WWC1: variants seen among roughly 807,000 people sequenced by gnomAD.
The protein encoded by WWC1 is protein KIBRA.
Under a neutral mutation model 138.4 loss-of-function variants are expected in WWC1, and 55 were observed. That is an observed-to-expected ratio of 0.40 (90% confidence interval 0.32 to 0.50). The LOEUF (loss-of-function observed/expected upper bound fraction) is 0.50, where lower values mean the gene tolerates loss of function less well. Ranked by LOEUF, WWC1 falls within the 20% of genes least tolerant of loss-of-function variation. WWC1 has a pLI of 0.72. For missense variants in WWC1, 1,226 were observed against 1,420.4 expected (o/e 0.86, Z 2.20); for synonymous variants, 524 against 564.9 (o/e 0.93, Z 1.03).
intron 6 of WWC1, 138 bp downstream of exon 6, chr5:168,406,465 C>A: frequency 1.5e-6 from 2 of 1,312,818 alleles, no homozygotes; most frequent in South Asian, 2.8e-5. Context: ...GTTTTGGTTC[C>A]ATTTCATAGA....
rs373994122 is a variant in WWC1 at position 168,385,169 on chromosome 5, A to G, written c.230-42A>G. 11 of 1,608,122 alleles carry G rather than the reference A, an allele frequency of 6.8e-6. No individual in the cohort carries two copies. The African/African-American group carries it at 1.3e-4, about 20-fold the overall frequency. On this transcript the variant is annotated intron_variant, in intron 2 of 22. Transcript: ENST00000265293. ...ACCACAGGCCACCAGCCCAACAGAT[A>G]TTTGTGAGATGCTGACCTAGAATCT...
chr5:168,316,960 G>T (rs1771653076), intron 1 of WWC1, among the ~76,000 whole-genome samples: 1 of 152,158 alleles, frequency 6.6e-6, no homozygotes, highest in African/African-American at 2.4e-5. Context: ...ATTTGGTCAA[G>T]ATTTCATATT....
intron 17 of WWC1, among the ~76,000 whole-genome samples, chr5:168,446,298 A>G (rs1755261591): frequency 6.8e-6 from 1 of 146,600 alleles, no homozygotes; most frequent in Admixed American, 7.0e-5. Flanking sequence ...AAGACATGCT[A>G]TTGCCGAAGA....
At chr5:168,405,081 G>A (rs190639115) in intron 5 of WWC1, among the ~76,000 whole-genome samples, 230 of 152,132 alleles carry the variant, frequency 1.5e-3, no homozygotes, top group Non-Finnish European at 1.8e-3. Context: ...TGGGCTAGGT[G>A]GATAATGTTA....
At chr5:168,411,855 C>T (rs1241100971) in intron 8 of WWC1, 2 of 453,380 alleles carry the variant, frequency 4.4e-6, no homozygotes, top group Non-Finnish European at 5.8e-6. Context: ...GTTTCCAGTG[C>T]TGGGAAAAGT....
intron 1 of WWC1, among the ~76,000 whole-genome samples, chr5:168,348,146 T>C (rs1283526930): frequency 6.6e-6 from 1 of 152,176 alleles, no homozygotes; most frequent in Admixed American, 6.5e-5. Flanking sequence ...TTGGGGGATG[T>C]GATGTGCACC....
At chr5:168,427,790 C>T (rs1427518892) in intron 11 of WWC1, among the ~76,000 whole-genome samples, 6 of 151,506 alleles carry the variant, frequency 4.0e-5, no homozygotes, top group Admixed American at 3.9e-4. Context: ...CCCATCTCTA[C>T]AACAAAATAA....
At chr5:168,419,641 G>A (rs1780928070) in intron 9 of WWC1, among the ~76,000 whole-genome samples, 1 of 152,212 alleles carries the variant, frequency 6.6e-6, no homozygotes, top group Non-Finnish European at 1.5e-5. Context: ...GCTTTCTGAT[G>A]CAGGTAGTCT....
intron 15 of WWC1, among the ~76,000 whole-genome samples, chr5:168,438,946 A>G (rs1218352818): frequency 1.3e-5 from 2 of 152,158 alleles, no homozygotes; most frequent in Admixed American, 1.3e-4. Context: ...AGGTTTACTG[A>G]AGAGAAATCA....
chr5:168,441,639 C>A (rs769974925), intron 15 of WWC1, 43 bp from the exon 16 acceptor site: 92 of 1,596,514 alleles, frequency 5.8e-5, no homozygotes, highest in Non-Finnish European at 7.8e-5. Flanking sequence ...CCTGGTGTCC[C>A]CCCCACCGCC....
chr5:168,365,916 G>A (rs1254147701), intron 1 of WWC1, among the ~76,000 whole-genome samples: 1 of 152,242 alleles, frequency 6.6e-6, no homozygotes, highest in African/African-American at 2.4e-5. Flanking sequence ...GGCAGCCCGA[G>A]TTGTGGAGGC....
rs573374444 is a variant in WWC1, at chr5:168,346,440, C to T, written c.120-24984C>T. Among the ~76,000 whole-genome samples the T allele has an allele frequency of 4.6e-5, 7 of 152,258 alleles. No individual in the cohort carries two copies. In the South Asian group the frequency reaches 1.5e-3, roughly 32 times the overall value. On this transcript the variant is annotated intron_variant, in intron 1 of 22. Transcript: ENST00000265293. ...CCCTGCATGAGCAAGACCCTAAGACCCTCAAGAGACCCTCAGAAAATCTGT... is the reference window on the plus strand; with the variant it reads ...CCCTGCATGAGCAAGACCCTAAGACTCTCAAGAGACCCTCAGAAAATCTGT...
chr5:168,422,478 G>A (rs901122806), intron 10 of WWC1, among the ~76,000 whole-genome samples: 2 of 152,190 alleles, frequency 1.3e-5, no homozygotes, highest in African/African-American at 4.8e-5. Flanking sequence ...TTAGCTGGGT[G>A]TGGTGGTGCA....
intron 8 of WWC1, among the ~76,000 whole-genome samples, chr5:168,413,133 C>G (rs1780352415): frequency 6.6e-6 from 1 of 152,174 alleles, no homozygotes; most frequent in Non-Finnish European, 1.5e-5. Flanking sequence ...GTCCAGAGGC[C>G]TCTGGTCTCA....
Position 168,292,400 on chromosome 5 carries a change from GCC to G in WWC1, c.119+130_119+131del. 9.4e-7 allele frequency: 1 copy of G among 1,068,286 alleles called. No homozygotes were observed. The highest frequency in any genetic ancestry group is 1.3e-6 in the Non-Finnish European group (1 of 756,732). The allele number at this position is 1,068,286 out of a possible 1,614,324, so 66.2% of individuals were successfully genotyped here. On this transcript the variant is annotated intron_variant, in intron 1 of 22. Transcript: ENST00000265293. This position sits in a 1 kb window ranked among gnomAD's most constrained non-coding sequence, Gnocchi z 4.4. ...GTGCCTCTTGAGCTCTCTTCAGTTC[GCC>G]ACCCCCTGCTCCCCCCAACCTTCTG...
chr5:168,464,510 T>A (rs1012914599), intron 20 of WWC1, among the ~76,000 whole-genome samples: 1 of 152,166 alleles, frequency 6.6e-6, no homozygotes, highest in Admixed American at 6.5e-5. Flanking sequence ...AACGAGGTTA[T>A]GGAAATGAAG....
chr5:168,427,131 G>T (rs1781564925), intron 11 of WWC1, among the ~76,000 whole-genome samples: 1 of 152,202 alleles, frequency 6.6e-6, no homozygotes, highest in Non-Finnish European at 1.5e-5. Context: ...GGGTCCAGGG[G>T]CTGTTATTTT....
intron 1 of WWC1, among the ~76,000 whole-genome samples, chr5:168,340,856 A>G (rs943667460): frequency 2.0e-5 from 3 of 152,260 alleles, no homozygotes; most frequent in East Asian, 1.9e-4. Context: ...TCTGGTAGGG[A>G]CTATTTTTCT....
Position 168,467,882 on chromosome 5 carries a change from A to G in WWC1, c.3193A>G (p.Lys1065Glu), listed in dbSNP as rs1339202807. ...GCACAAGGGTGAGCTTCAGACAGAC[A>G]AGATGATGAGGGCAGCTGCCAAGGA... ...AEHKGELQTD[K>E]MMRAAAKDVH... Residue 1065 changes from lysine (K) to glutamate (E), a missense_variant, in exon 22 of 23, where the codon AAG (lysine) becomes GAG (glutamate). This residue lies in a region of WWC1 where 206 missense variants were observed against 247.4 expected (regional missense o/e 0.83). Coordinates refer to ENST00000265293, the MANE Select transcript of WWC1 (RefSeq NM_015238.3). The G allele has an allele frequency of 1.2e-6, 2 of 1,614,222 alleles. No homozygotes were observed. Among genetic ancestry groups the G allele is most frequent in the Non-Finnish European group, 1.7e-6 (2 of 1,180,032 alleles).
Sources: allele counts gnomAD v4.1 joint callset (sites outside exome capture counted in the v4.1 genomes callset), GRCh38; gene constraint gnomAD v4.1.1; regional missense constraint gnomAD v4.1.1; non-coding constraint Gnocchi (gnomAD v3.1); transcripts MANE v1.5; gene names NCBI Gene and HGNC (gene_info 2026-07-23, HGNC 2026-07-21).